CNTNAP2: variants seen among roughly 807,000 people sequenced by gnomAD.
CNTNAP2 encodes the protein contactin-associated protein-like 2.
Under a neutral mutation model 155.2 loss-of-function variants are expected in CNTNAP2, and 98 were observed. That is an observed-to-expected ratio of 0.63 (90% confidence interval 0.54 to 0.75). CNTNAP2 has a LOEUF of 0.75. Ranked by LOEUF, CNTNAP2 falls within the 30% of genes least tolerant of loss-of-function variation. The pLI is 0.00. For missense variants in CNTNAP2, 1,727 were observed against 1,688.1 expected (o/e 1.02, Z -0.40); for synonymous variants, 651 against 631.2 (o/e 1.03, Z -0.47).
At chr7:146,291,752 A>C (rs1276936901) in intron 1 of CNTNAP2, among the ~76,000 whole-genome samples, 1 of 152,348 alleles carries the variant, frequency 6.6e-6, no homozygotes, top group Admixed American at 6.5e-5. Context: ...ATAGACTTAC[A>C]CATAAGATCT....
chr7:148,115,747 G>A (rs1291472178), intron 15 of CNTNAP2, among the ~76,000 whole-genome samples: 1 of 152,070 alleles, frequency 6.6e-6, no homozygotes, highest in Middle Eastern at 3.2e-3. Context: ...GTTACCAGTA[G>A]CCTACACTAC....
intron 1 of CNTNAP2, among the ~76,000 whole-genome samples, chr7:146,129,176 A>G (rs13230964): frequency 0.22 from 33,985 of 152,104 alleles, 3,994 homozygotes; most frequent in Middle Eastern, 0.33. Context: ...AGAGCATATA[A>G]TCACCCACGT....
intron 13 of CNTNAP2, among the ~76,000 whole-genome samples, chr7:147,740,297 T>C (rs1427052911): frequency 6.6e-6 from 1 of 152,168 alleles, no homozygotes; most frequent in Non-Finnish European, 1.5e-5. Flanking sequence ...TTTTATTGAA[T>C]TTCAAACTCA....
rs904007428 is a variant in CNTNAP2, at chr7:147,029,743, C to T, written c.403-14164C>T. 4.6e-5 allele frequency among the ~76,000 whole-genome samples: 7 copies of T among 152,178 alleles called. No homozygotes were observed. In the East Asian group the frequency reaches 1.4e-3, roughly 29 times the overall value. ...AGAGTAAAATTGTTAATGCTCAAAT[C>T]AGACATTACATTTAGTATTAGAATT... On this transcript the variant is annotated intron_variant, in intron 3 of 23. Coordinates refer to ENST00000361727, the MANE Select transcript of CNTNAP2 (RefSeq NM_014141.6).
intron 12 of CNTNAP2, among the ~76,000 whole-genome samples, chr7:147,608,252 C>T (rs550474203): frequency 6.2e-4 from 94 of 151,478 alleles, no homozygotes; most frequent in African/African-American, 2.2e-3. Flanking sequence ...TACCTTGCAC[C>T]TTACACATAC....
Position 146,771,043 on chromosome 7 carries a change from G to A in CNTNAP2, c.98-3228G>A, listed in dbSNP as rs974585741. ...ATTTTCTTCATATTTCTACTCAAAT[G>A]CTACCTGATCATTTTGTCAAAACTT... is the stretch of plus-strand genomic sequence containing the variant. On this transcript the variant is annotated intron_variant, in intron 1 of 23. Transcript: ENST00000361727. 3.1e-4 allele frequency among the ~76,000 whole-genome samples: 47 copies of A among 152,130 alleles called. 1 individual carries two copies. The highest frequency in any genetic ancestry group is 1.1e-3 in the African/African-American group (47 of 41,498).
intron 1 of CNTNAP2, among the ~76,000 whole-genome samples, chr7:146,202,472 T>C (rs1798880800): frequency 1.3e-5 from 2 of 152,290 alleles, no homozygotes; most frequent in East Asian, 1.9e-4. Context: ...AATGCCTGTG[T>C]ATAAAGAGCC....
intron 1 of CNTNAP2, among the ~76,000 whole-genome samples, chr7:146,295,043 G>T (rs1297455113): frequency 6.6e-6 from 1 of 152,070 alleles, no homozygotes; most frequent in East Asian, 1.9e-4. Context: ...TAATTGAATT[G>T]ATTGCATATT....
Position 146,878,634 on chromosome 7 carries a change from G to A in CNTNAP2, c.402+38730G>A, listed in dbSNP as rs78538986. Among the ~76,000 whole-genome samples, 604 of 152,064 alleles carry A rather than the reference G, an allele frequency of 4.0e-3. 5 individuals carry two copies. The highest frequency in any genetic ancestry group is 0.014 in the African/African-American group (573 of 41,482). On this transcript the variant is annotated intron_variant, in intron 3 of 23. Coordinates refer to ENST00000361727, the MANE Select transcript of CNTNAP2 (RefSeq NM_014141.6). ...GCCCTAACTCTTTTAATTGCCAGGAGGCCCTTCATAAATTGACAGCGCCTG... is the reference window on the plus strand; with the variant it reads ...GCCCTAACTCTTTTAATTGCCAGGAAGCCCTTCATAAATTGACAGCGCCTG...
intron 9 of CNTNAP2, among the ~76,000 whole-genome samples, chr7:147,323,498 A>G (rs1214817574): frequency 6.9e-6 from 1 of 144,386 alleles, no homozygotes; most frequent in East Asian, 2.2e-4. Context: ...ACTTCCGACT[A>G]TGTGGTCAAT....
intron 4 of CNTNAP2, among the ~76,000 whole-genome samples, chr7:147,090,362 C>G (rs1800376767): frequency 7.1e-6 from 1 of 141,318 alleles, no homozygotes; most frequent in African/African-American, 3.1e-5. Flanking sequence ...TTACAATTCT[C>G]TGGTATTTAC....
At chr7:146,361,026 C>G (rs1260766395) in intron 1 of CNTNAP2, among the ~76,000 whole-genome samples, 1 of 152,008 alleles carries the variant, frequency 6.6e-6, no homozygotes, top group Non-Finnish European at 1.5e-5. Context: ...AGCTTAGTAC[C>G]CTATGTTAAT....
chr7:146,868,856 CATTGATTATGT>C (rs1795253766), intron 3 of CNTNAP2, among the ~76,000 whole-genome samples: 1 of 150,006 alleles, frequency 6.7e-6, no homozygotes, highest in African/African-American at 2.5e-5. Flanking sequence ...AATTTTTGTG[CATTGATTATGT>C]ATCTTACAAC....
intron 15 of CNTNAP2, among the ~76,000 whole-genome samples, chr7:148,036,288 A>G (rs1297330042): frequency 2.6e-5 from 4 of 152,170 alleles, no homozygotes; most frequent in Non-Finnish European, 5.9e-5. Flanking sequence ...ATGAAATGCT[A>G]TAATTTGAAA....
chr7:147,893,053 C>T (rs1799719052), intron 13 of CNTNAP2, among the ~76,000 whole-genome samples: 1 of 152,170 alleles, frequency 6.6e-6, no homozygotes, highest in African/African-American at 2.4e-5. Flanking sequence ...AGGGACTCCA[C>T]AGGATTTTAT....
intron 15 of CNTNAP2, among the ~76,000 whole-genome samples, chr7:147,999,499 T>C (rs954124069): frequency 6.6e-6 from 1 of 152,232 alleles, no homozygotes; most frequent in Non-Finnish European, 1.5e-5. Context: ...GTAAAATTAT[T>C]GATGACTGCT....
intron 4 of CNTNAP2, among the ~76,000 whole-genome samples, chr7:147,069,379 A>G (rs1226033104): frequency 2.0e-5 from 3 of 152,148 alleles, no homozygotes; most frequent in Non-Finnish European, 4.4e-5. Context: ...AAGAAAACCC[A>G]TCATATTCAC....
chr7:146,788,192 C>A (rs535855274), intron 2 of CNTNAP2, among the ~76,000 whole-genome samples: 1 of 152,322 alleles, frequency 6.6e-6, no homozygotes, highest in African/African-American at 2.4e-5. Flanking sequence ...CCACCTGGAA[C>A]CCGTGTGGCC....
chr7:147,339,760 A>C (rs945201471), intron 9 of CNTNAP2, among the ~76,000 whole-genome samples: 1 of 152,194 alleles, frequency 6.6e-6, no homozygotes, highest in African/African-American at 2.4e-5. Flanking sequence ...TACTTCTCTA[A>C]AATCAAACAG....
Sources: allele counts gnomAD v4.1 joint callset (sites outside exome capture counted in the v4.1 genomes callset), GRCh38; gene constraint gnomAD v4.1.1; transcripts MANE v1.5; gene names NCBI Gene and HGNC (gene_info 2026-07-23, HGNC 2026-07-21).